OTULIN: variants seen among roughly 807,000 people sequenced by gnomAD.
OTULIN encodes OTU deubiquitinase with linear linkage specificity.
A neutral mutation model predicts 39.6 loss-of-function variants in OTULIN; 15 were observed. That is an observed-to-expected ratio of 0.38 (90% CI 0.25 to 0.58). OTULIN has a LOEUF of 0.58. Among genes scored for constraint, OTULIN ranks in the 20% least tolerant of loss-of-function variants. The pLI is 0.66. For synonymous variants in OTULIN, 156 were observed against 170.3 expected (o/e 0.92, Z 0.65); for missense variants, 319 against 445.9 (o/e 0.72, Z 2.56).
the OTULIN span, among the ~76,000 whole-genome samples, chr5:14,716,446 T>A: frequency 6.6e-6 from 1 of 152,264 alleles, no homozygotes; most frequent in East Asian, 1.9e-4. Flanking sequence ...GAGCCGACAT[T>A]GTGCTACTGC....
intron 3 of OTULIN, among the ~76,000 whole-genome samples, chr5:14,681,180 T>A (rs1736239593): frequency 6.6e-6 from 1 of 152,210 alleles, no homozygotes; most frequent in African/African-American, 2.4e-5. Flanking sequence ...GGGGTTTTTC[T>A]ATATTTTTTT....
At chr5:14,692,297 T>A (rs988714939) in intron 6 of OTULIN, among the ~76,000 whole-genome samples, 6 of 152,242 alleles carry the variant, frequency 3.9e-5, no homozygotes, top group Non-Finnish European at 7.3e-5. Flanking sequence ...AGTGTACATC[T>A]CATTGACATT....
intron 1 of OTULIN, among the ~76,000 whole-genome samples, chr5:14,672,474 G>A (rs1000780331): frequency 5.3e-5 from 8 of 152,146 alleles, no homozygotes; most frequent in African/African-American, 1.9e-4. Flanking sequence ...ATTGGGGGTA[G>A]GGATATCTCA....
chr5:14,698,170 T>C lies in OTULIN; in HGVS notation c.*5122T>C, dbSNP rs1037815731. 1 of 152,362 alleles carries C rather than the reference T, an allele frequency of 6.6e-6. No homozygotes were observed. Among genetic ancestry groups the C allele is most frequent in the East Asian group, 1.9e-4 (1 of 5,192 alleles). 9.4% of individuals were successfully genotyped at this position (152,362 alleles called of 1,614,324 possible). The stretch of plus-strand genomic sequence containing the variant: ...TAGCCACTTCTAACTTTTTGTATTA[T>C]GAATTTGGAGAGGATAACAAGCCAA... On this transcript the variant is annotated 3_prime_UTR_variant, in exon 7 of 7. Transcript: ENST00000284274.
intron 1 of OTULIN, among the ~76,000 whole-genome samples, chr5:14,670,053 C>T (rs1579959594): frequency 1.3e-5 from 2 of 152,256 alleles, no homozygotes; most frequent in African/African-American, 4.8e-5. Context: ...TTATTTGTAT[C>T]CTTTAACAAA....
chr5:14,685,233 T>C lies in OTULIN; in HGVS notation c.469-2288T>C, dbSNP rs1371561486. 4.6e-5 allele frequency among the ~76,000 whole-genome samples: 7 copies of C among 152,356 alleles called. No individual in the cohort carries two copies. In the East Asian group the frequency reaches 1.3e-3, roughly 29 times the overall value. ...AAGTTTTGGGGATGACACATTTTTA[T>C]TATTTGCTTTCTGTTGTGGTATCAA... On this transcript the variant is annotated intron_variant, in intron 4 of 6. Coordinates refer to ENST00000284274, the MANE Select transcript of OTULIN (RefSeq NM_138348.6).
chr5:14,670,340 AG>A (rs1259684957), intron 1 of OTULIN, among the ~76,000 whole-genome samples: 1 of 152,226 alleles, frequency 6.6e-6, no homozygotes, highest in Non-Finnish European at 1.5e-5. Context: ...CCTGGCCTTT[AG>A]TATCATTTCA....
chr5:14,695,041 A>G lies in OTULIN; in HGVS notation c.*1993A>G, dbSNP rs763788765. On this transcript the variant is annotated 3_prime_UTR_variant, in exon 7 of 7. Coordinates refer to ENST00000284274, the MANE Select transcript of OTULIN (RefSeq NM_138348.6). ...TTGAATTTTAAGAATACTCATGTTA[A>G]TAATAGTCATCTATCCTTGCATTTT... is the stretch of plus-strand genomic sequence containing the variant. The G allele has an allele frequency of 5.9e-5, 9 of 152,228 alleles. No individual in the cohort carries two copies. The highest frequency in any genetic ancestry group is 2.0e-4 in the Admixed American group (3 of 15,286). 9.4% of individuals were successfully genotyped at this position (152,228 alleles called of 1,614,324 possible). A position where few individuals can be genotyped will look rare whatever the true frequency, so the allele number is the denominator to read the frequency against.
At chr5:14,704,286 C>T (rs1188102911), downstream of OTULIN, among the ~76,000 whole-genome samples, 2 of 138,814 alleles carry the variant, frequency 1.4e-5, no homozygotes, top group South Asian at 2.4e-4. Context: ...GCCGAGATTG[C>T]GCCACTGCAC....
Position 14,678,701 on chromosome 5 carries a change from C to A in OTULIN, c.250C>A (p.Pro84Thr). Residue 84 changes from proline (P) to threonine (T), a missense_variant, in exon 3 of 7, where the codon CCT becomes ACT. Coordinates refer to ENST00000284274, the MANE Select transcript of OTULIN (RefSeq NM_138348.6). ...GASEPRLSVA[P>T]EMDIMDYCKK... Reference sequence around the variant, plus strand: ...AACAGAACCGAGATTAAGCGTAGCTCCTGAAATGGATATCATGGACTACTG... The same window carrying A: ...AACAGAACCGAGATTAAGCGTAGCTACTGAAATGGATATCATGGACTACTG... 1 of 1,588,996 alleles carries A rather than the reference C, an allele frequency of 6.3e-7. No homozygotes were observed. The highest frequency in any genetic ancestry group is 8.5e-7 in the Non-Finnish European group (1 of 1,171,110).
chr5:14,686,579 A>G (rs1319927426), intron 4 of OTULIN, among the ~76,000 whole-genome samples: 5 of 152,120 alleles, frequency 3.3e-5, no homozygotes, highest in Admixed American at 3.3e-4. Flanking sequence ...ATATTGTAGG[A>G]TTTAATTATT....
rs77769436 is a variant in OTULIN, at chr5:14,693,074, C to T, written c.*26C>T. The T allele has an allele frequency of 9.5e-3, 14,890 of 1,565,326 alleles. 90 individuals are homozygous for T. Among genetic ancestry groups the T allele is most frequent in the Middle Eastern group, 0.017 (101 of 5,954 alleles). ...GAGACGCATGCTCCTGACAGCCTGG[C>T]GACGTGGCGAAGATGCACAGGTGGC... On this transcript the variant is annotated 3_prime_UTR_variant, in exon 7 of 7. Coordinates refer to ENST00000284274, the MANE Select transcript of OTULIN (RefSeq NM_138348.6).
At chr5:14,691,691 A>G (rs1736531995) in intron 6 of OTULIN, among the ~76,000 whole-genome samples, 1 of 151,858 alleles carries the variant, frequency 6.6e-6, no homozygotes, top group Non-Finnish European at 1.5e-5. Flanking sequence ...AGCCATCACT[A>G]CAGTCTAATT....
At chr5:14,684,271 G>A (rs1028626270) in intron 4 of OTULIN, among the ~76,000 whole-genome samples, 5 of 152,226 alleles carry the variant, frequency 3.3e-5, no homozygotes, top group Non-Finnish European at 5.9e-5. Flanking sequence ...GAACGTCTTT[G>A]TTCTTTCCTT....
At chr5:14,683,727 C>A (rs1250739011) in intron 4 of OTULIN, among the ~76,000 whole-genome samples, 1 of 152,100 alleles carries the variant, frequency 6.6e-6, no homozygotes, top group Non-Finnish European at 1.5e-5. Context: ...TGAGGCTTTA[C>A]CTTTAAGGAG....
At position 14,692,745 on chromosome 5, in the gene OTULIN, T is replaced by C. The variant is rs955690123; in HGVS notation, c.865-109T>C. 7.0e-6 allele frequency: 6 copies of C among 852,520 alleles called. No individual in the cohort carries two copies. In the South Asian group the frequency reaches 7.9e-5, roughly 11 times the overall value. 52.8% of individuals were successfully genotyped at this position (852,520 alleles called of 1,614,324 possible). A position where few individuals can be genotyped will look rare whatever the true frequency, so the allele number is the denominator to read the frequency against. On this transcript the variant is annotated intron_variant, in intron 6 of 6. Transcript: ENST00000284274. The stretch of plus-strand genomic sequence containing the variant: ...GGGCCCAAAGCAGGAGGAAAAAACG[T>C]TGTGGCTTCACCATTGCTGTGCACT...
rs1354527183 is a variant in OTULIN at position 14,673,684 on chromosome 5, G to A, written c.195G>A (p.Glu65=). Residue 65 remains glutamate (E), a synonymous_variant, in exon 2 of 7, where the codon GAG becomes GAA. Coordinates refer to ENST00000284274, the MANE Select transcript of OTULIN (RefSeq NM_138348.6). ...MYRAADEIEK[E]KELLIHERGA... ...GTGCTGCAGATGAAATAGAAAAGGA[G>A]AAAGAATTGCTTATACATGAAAGAG... is the stretch of plus-strand genomic sequence containing the variant. 14 of 1,613,820 alleles carry A rather than the reference G, an allele frequency of 8.7e-6. No individual in the cohort carries two copies. Among genetic ancestry groups the A allele is most frequent in the Non-Finnish European group, 1.2e-5 (14 of 1,179,866 alleles).
the OTULIN span, chr5:14,710,340 G>C: frequency 2.0e-5 from 3 of 152,238 alleles, no homozygotes; most frequent in African/African-American, 7.2e-5. Context: ...TTCAGGAAAG[G>C]CGAGGGAAAA....
chr5:14,700,213 G>A (rs1205860796), downstream of OTULIN, among the ~76,000 whole-genome samples: 1 of 152,194 alleles, frequency 6.6e-6, no homozygotes, highest in East Asian at 1.9e-4. Flanking sequence ...TAGGGTGGGA[G>A]CAGTAGGAAG....
Sources: allele counts gnomAD v4.1 joint callset (sites outside exome capture counted in the v4.1 genomes callset), GRCh38; gene constraint gnomAD v4.1.1; transcripts MANE v1.5; gene names NCBI Gene and HGNC (gene_info 2026-07-23, HGNC 2026-07-21).